AGBL4: variants seen among roughly 807,000 people sequenced by gnomAD.
The protein encoded by AGBL4 is cytosolic carboxypeptidase 6.
A neutral mutation model predicts 66.4 loss-of-function variants in AGBL4; 58 were observed. The observed-to-expected ratio is 0.87, with a 90% CI of 0.71 to 1.09. The LOEUF (loss-of-function observed/expected upper bound fraction) is 1.09, where lower values mean the gene tolerates loss of function less well. AGBL4 is among the 50% of genes least tolerant of loss of function. AGBL4 has a pLI of 0.00. For synonymous variants in AGBL4, 234 were observed against 222.9 expected (o/e 1.05, Z -0.44); for missense variants, 579 against 631.0 (o/e 0.92, Z 0.88).
At chr1:49,947,519 A>C (rs1655325876) in intron 1 of AGBL4, among the ~76,000 whole-genome samples, 1 of 151,950 alleles carries the variant, frequency 6.6e-6, no homozygotes, top group Admixed American at 6.6e-5. Context: ...CTCGCAGCAA[A>C]ATCGGCATAC....
rs72890046 is a variant in AGBL4, at chr1:48,808,188, A to G, written c.634+59003T>C. 1.7e-3 allele frequency among the ~76,000 whole-genome samples: 259 copies of G among 152,300 alleles called. 4 individuals are homozygous for G. The highest frequency in any genetic ancestry group is 6.1e-3 in the African/African-American group (252 of 41,558). ...TAACCTATTTGATATCAGTTTCCAC[A>G]TCTATAAAATGGAATGGTAATGGTA... On this transcript the variant is annotated intron_variant, in intron 6 of 13. Coordinates refer to ENST00000371839, the MANE Select transcript of AGBL4 (RefSeq NM_032785.4).
At chr1:49,913,063 T>TG (rs1237387737) in intron 1 of AGBL4, among the ~76,000 whole-genome samples, 3 of 152,214 alleles carry the variant, frequency 2.0e-5, no homozygotes, top group African/African-American at 7.2e-5. Context: ...ACCCCAAATC[T>TG]CATTTCCTTT....
Position 48,604,609 on chromosome 1 carries a change from G to GT in AGBL4, c.952-13625dup, listed in dbSNP as rs72469035. On this transcript the variant is annotated intron_variant, in intron 9 of 13. Coordinates refer to ENST00000371839, the MANE Select transcript of AGBL4 (RefSeq NM_032785.4). ...CTTTTGTTAGGATACAGAATCAAAG[G>GT]TTTTTTTTTAAAAAAAATTCAAACA... Among the ~76,000 whole-genome samples, 15 of 151,494 alleles carry GT rather than the reference G, an allele frequency of 9.9e-5. No individual in the cohort carries two copies. In the South Asian group the frequency reaches 1.0e-3, roughly 11 times the overall value.
At chr1:49,412,222 TGGAAGTTTGAGATCAGAGTGCCA>T (rs1376698414) in intron 3 of AGBL4, among the ~76,000 whole-genome samples, 1 of 152,168 alleles carries the variant, frequency 6.6e-6, no homozygotes, top group Non-Finnish European at 1.5e-5. Context: ...TTCTGGAGGC[TGGAAGTTTGAGATCAGAGTGCCA>T]GCAAGAGCAT....
chr1:48,719,332 G>A (rs557965682), intron 6 of AGBL4, among the ~76,000 whole-genome samples: 7 of 152,148 alleles, frequency 4.6e-5, no homozygotes, highest in Admixed American at 1.3e-4. Context: ...GCATTGTGGT[G>A]CTCATAGTCA....
chr1:48,662,672 G>C (rs1646126871), intron 7 of AGBL4, among the ~76,000 whole-genome samples: 1 of 152,198 alleles, frequency 6.6e-6, no homozygotes, highest in African/African-American at 2.4e-5. Context: ...CTGATGCCAA[G>C]TGTGCTTACT....
intron 5 of AGBL4, among the ~76,000 whole-genome samples, chr1:48,956,711 C>T (rs1054378455): frequency 6.6e-6 from 1 of 152,092 alleles, no homozygotes; most frequent in East Asian, 1.9e-4. Context: ...GATTAGGGGC[C>T]GCAGCCATAG....
At chr1:49,307,961 G>C (rs746472420) in intron 3 of AGBL4, among the ~76,000 whole-genome samples, 6 of 152,182 alleles carry the variant, frequency 3.9e-5, no homozygotes, top group Admixed American at 6.5e-5. Context: ...GGGGCCCGGT[G>C]GGAGGTGATT....
intron 4 of AGBL4, 109 bp downstream of exon 4, chr1:49,245,661 A>G: frequency 1.4e-6 from 1 of 733,442 alleles, no homozygotes; most frequent in East Asian, 2.7e-5. Context: ...TTCTTTTAAA[A>G]ATTTTTATTT....
At chr1:49,062,506 G>T (rs1254595047) in intron 4 of AGBL4, among the ~76,000 whole-genome samples, 1 of 152,104 alleles carries the variant, frequency 6.6e-6, no homozygotes, top group Non-Finnish European at 1.5e-5. Flanking sequence ...TACATAATTT[G>T]AATTCATTGA....
chr1:49,714,569 CATATATATAT>C (rs60965691), intron 2 of AGBL4, among the ~76,000 whole-genome samples: 30 of 141,846 alleles, frequency 2.1e-4, no homozygotes, highest in African/African-American at 7.8e-4. Flanking sequence ...GTAGTATTTA[CATATATATAT>C]ATATATATAT....
intron 6 of AGBL4, among the ~76,000 whole-genome samples, chr1:48,777,321 T>A (rs1645149348): frequency 1.3e-5 from 2 of 151,380 alleles, no homozygotes; most frequent in African/African-American, 4.9e-5. Context: ...TATGAGTGAG[T>A]GAATGCGGGA....
At chr1:48,874,856 G>A (rs550376468) in intron 5 of AGBL4, among the ~76,000 whole-genome samples, 41 of 152,180 alleles carry the variant, frequency 2.7e-4, no homozygotes, top group South Asian at 1.5e-3. Context: ...CCTTCTATAT[G>A]CAAGACCATT....
intron 2 of AGBL4, among the ~76,000 whole-genome samples, chr1:49,739,301 A>G (rs536432399): frequency 1.7e-4 from 26 of 152,336 alleles, no homozygotes; most frequent in African/African-American, 5.3e-4. Context: ...AAGAAATGGT[A>G]TCAGTGATGG....
At chr1:49,109,333 G>T (rs1420880825) in intron 4 of AGBL4, among the ~76,000 whole-genome samples, 5 of 152,148 alleles carry the variant, frequency 3.3e-5, no homozygotes, top group Non-Finnish European at 7.3e-5. Flanking sequence ...TCAACTGGAA[G>T]GCTGTTAGGG....
intron 5 of AGBL4, among the ~76,000 whole-genome samples, chr1:48,904,635 C>A (rs909748432): frequency 4.6e-5 from 7 of 152,092 alleles, no homozygotes; most frequent in African/African-American, 1.7e-4. Context: ...CCTCTGTTTC[C>A]TCATATGTAA....
chr1:49,046,081 A>G (rs1486843155), intron 4 of AGBL4, among the ~76,000 whole-genome samples: 4 of 152,222 alleles, frequency 2.6e-5, no homozygotes, highest in African/African-American at 7.2e-5. Flanking sequence ...TATTTTGAGC[A>G]CTTAACATAT....
chr1:49,790,490 A>G (rs1017249439), intron 2 of AGBL4, among the ~76,000 whole-genome samples: 8 of 152,216 alleles, frequency 5.3e-5, no homozygotes, highest in South Asian at 2.1e-4. Context: ...AAAAATCTTA[A>G]AAGCACAGGG....
chr1:49,564,688 C>A (rs1457891433), intron 3 of AGBL4, among the ~76,000 whole-genome samples: 2 of 152,190 alleles, frequency 1.3e-5, no homozygotes, highest in Non-Finnish European at 1.5e-5. Flanking sequence ...GTTATAATTT[C>A]TATTCTTTTA....
Sources: allele counts gnomAD v4.1 joint callset (sites outside exome capture counted in the v4.1 genomes callset), GRCh38; gene constraint gnomAD v4.1.1; transcripts MANE v1.5; gene names NCBI Gene and HGNC (gene_info 2026-07-23, HGNC 2026-07-21).